PCDH11X: variants seen among roughly 807,000 people sequenced by gnomAD.
PCDH11X encodes the protein protocadherin-11 X-linked.
A neutral mutation model predicts 53.3 loss-of-function variants in PCDH11X; 18 were observed. The ratio of observed to expected loss-of-function variants is 0.34; its 90% confidence interval spans 0.23 to 0.50. The LOEUF (loss-of-function observed/expected upper bound fraction) is 0.50, where lower values mean the gene tolerates loss of function less well. PCDH11X is among the 20% of genes least tolerant of loss of function. The pLI is 0.98. For synonymous variants in PCDH11X, 279 were observed against 393.3 expected, an observed-to-expected ratio of 0.71 and a Z score of 3.44; for missense variants, 570 against 1,032.4, an observed-to-expected ratio of 0.55 and a Z score of 6.14.
intron 10 of PCDH11X, among the ~76,000 whole-genome samples, chrX:92,594,873 A>G (rs1925422858): frequency 9.2e-6 from 1 of 108,731 alleles, no homozygotes; most frequent in African/African-American, 3.4e-5. Context: ...GGAGTCCAGC[A>G]AACCTTTTTT....
At chrX:92,374,628 G>T (rs1398577799) in intron 8 of PCDH11X, among the ~76,000 whole-genome samples, 1 of 111,471 alleles carries the variant, frequency 9.0e-6, no homozygotes, top group Non-Finnish European at 1.9e-5. Context: ...GATTATATTT[G>T]TTTGAAGAAT....
chrX:91,888,419 G>A (rs1471763024), intron 6 of PCDH11X, among the ~76,000 whole-genome samples: 34 of 111,854 alleles, frequency 3.0e-4, no homozygotes, highest in Non-Finnish European at 3.6e-4. Context: ...TTGGGAGGCC[G>A]AGGCAGGTGG....
rs181290943 is a variant in PCDH11X at position 92,087,909 on chromosome X, A to G, written c.3034-113466A>G. On this transcript the variant is annotated intron_variant, in intron 6 of 10. Coordinates refer to ENST00000682573, the MANE Select transcript of PCDH11X (RefSeq NM_032968.5). ...TTTACTTAGTTTGAAAATTGCTTATATATTTATATAAGATATATTGCTTAT... is the reference window on the plus strand; with the variant it reads ...TTTACTTAGTTTGAAAATTGCTTATGTATTTATATAAGATATATTGCTTAT... 4.6e-3 allele frequency among the ~76,000 whole-genome samples: 493 copies of G among 107,029 alleles called. 4 individuals carry two copies. The highest frequency in any genetic ancestry group is 0.015 in the African/African-American group (459 of 29,847). The allele number at this position is 107,029 out of a possible 115,157, so 92.9% of individuals were successfully genotyped here.
intron 6 of PCDH11X, among the ~76,000 whole-genome samples, chrX:92,111,799 C>A (rs1462767971): frequency 2.7e-5 from 3 of 109,924 alleles, no homozygotes; most frequent in African/African-American, 6.6e-5. Context: ...ACTCTGTCGC[C>A]CAGGCTGGAG....
intron 6 of PCDH11X, among the ~76,000 whole-genome samples, chrX:91,942,164 G>T (rs1394734071): frequency 9.1e-6 from 1 of 109,359 alleles, no homozygotes; most frequent in East Asian, 2.9e-4. Context: ...GGAAGAAGAA[G>T]AACAAGTTAA....
chrX:91,963,520 G>A (rs773117613), intron 6 of PCDH11X, among the ~76,000 whole-genome samples: 1 of 111,315 alleles, frequency 9.0e-6, no homozygotes, highest in Non-Finnish European at 1.9e-5. Context: ...TCAGCATTTT[G>A]GTCAAAGCCA....
At chrX:92,599,497 C>T (rs759538103) in intron 10 of PCDH11X, among the ~76,000 whole-genome samples, 20 of 112,238 alleles carry the variant, frequency 1.8e-4, no homozygotes, top group Non-Finnish European at 3.2e-4. Context: ...CCTGCACATG[C>T]TCTCTTGCCT....
intron 9 of PCDH11X, among the ~76,000 whole-genome samples, chrX:92,399,010 G>A (rs2885948): frequency 2.8e-5 from 3 of 107,965 alleles, no homozygotes; most frequent in African/African-American, 1.0e-4. Context: ...GGCTAACACA[G>A]GTGAAACCCC....
chrX:91,981,448 T>TA (rs60823093), intron 6 of PCDH11X, among the ~76,000 whole-genome samples: 8 of 109,532 alleles, frequency 7.3e-5, no homozygotes, highest in South Asian at 3.8e-4. Flanking sequence ...AGTATCTGAT[T>TA]AAAAAAAAAT....
chrX:91,893,811 C>T (rs929480195), intron 6 of PCDH11X, among the ~76,000 whole-genome samples: 4 of 110,975 alleles, frequency 3.6e-5, no homozygotes, highest in Non-Finnish European at 7.6e-5. Flanking sequence ...GCAGAAACTA[C>T]ATATCCCTAC....
chrX:92,347,952 G>T (rs2069942882), intron 8 of PCDH11X, among the ~76,000 whole-genome samples: 1 of 111,574 alleles, frequency 9.0e-6, no homozygotes. Flanking sequence ...GAAAGAAAAA[G>T]ACATTATACA....
chrX:92,478,256 T>G (rs1363272193), intron 10 of PCDH11X, among the ~76,000 whole-genome samples: 3 of 111,092 alleles, frequency 2.7e-5, no homozygotes, highest in Non-Finnish European at 5.7e-5. Flanking sequence ...TCTCGAGTAT[T>G]TGTTTATAGC....
chrX:91,817,852 A>G (rs2147574024), intron 4 of PCDH11X, among the ~76,000 whole-genome samples: 1 of 111,524 alleles, frequency 9.0e-6, no homozygotes, highest in African/African-American at 3.3e-5. Flanking sequence ...GATGCAAAGT[A>G]ATTTCATCAT....
At chrX:92,276,299 G>C (rs754702898) in intron 8 of PCDH11X, among the ~76,000 whole-genome samples, 1 of 107,182 alleles carries the variant, frequency 9.3e-6, no homozygotes, top group Non-Finnish European at 1.9e-5. Context: ...GATGGTCTAG[G>C]GGCTTCCGAG....
At chrX:92,511,572 A>C (rs1339985819) in intron 10 of PCDH11X, among the ~76,000 whole-genome samples, 1 of 111,588 alleles carries the variant, frequency 9.0e-6, no homozygotes, top group Non-Finnish European at 1.9e-5. Flanking sequence ...TATTGATTGT[A>C]GCTATTGTTT....
At chrX:92,202,702 C>G (rs1412059517) in intron 7 of PCDH11X, among the ~76,000 whole-genome samples, 3 of 110,661 alleles carry the variant, frequency 2.7e-5, no homozygotes, top group African/African-American at 1.0e-4. Flanking sequence ...ATTTGTTTTC[C>G]TAGTATAGAT....
At chrX:92,176,856 CCT>C (rs1603114268) in intron 6 of PCDH11X, among the ~76,000 whole-genome samples, 2 of 111,484 alleles carry the variant, frequency 1.8e-5, no homozygotes, top group Non-Finnish European at 3.8e-5. Context: ...CACTACAGAT[CCT>C]TAGAACAGAT....
intron 7 of PCDH11X, among the ~76,000 whole-genome samples, chrX:92,246,422 G>A (rs1328145440): frequency 4.5e-5 from 5 of 110,965 alleles, no homozygotes; most frequent in African/African-American, 1.6e-4. Flanking sequence ...GCACAATCTC[G>A]GCCCGCTGCC....
At chrX:91,891,678 G>C (rs1940478277) in intron 6 of PCDH11X, among the ~76,000 whole-genome samples, 1 of 105,484 alleles carries the variant, frequency 9.5e-6, no homozygotes, top group African/African-American at 3.5e-5. Flanking sequence ...CATGAGTTCA[G>C]ACAAGATAAA....
Sources: allele counts gnomAD v4.1 joint callset (sites outside exome capture counted in the v4.1 genomes callset), GRCh38; gene constraint gnomAD v4.1.1; transcripts MANE v1.5; gene names NCBI Gene and HGNC (gene_info 2026-07-23, HGNC 2026-07-21).